The following ZNF83 variants were observed in gnomAD, a reference collection of about 807,000 sequenced individuals.
ZNF83 encodes zinc finger protein 83.
For synonymous variants in ZNF83, 209 were observed against 213.0 expected (o/e 0.98, Z 0.17); for missense variants, 552 against 629.9 (o/e 0.88, Z 1.32).
intron 3 of ZNF83, among the ~76,000 whole-genome samples, chr19:52,649,144 T>C (rs897695367): frequency 1.3e-5 from 2 of 149,306 alleles, no homozygotes; most frequent in Non-Finnish European, 2.9e-5. Flanking sequence ...GAGTGGTTTT[T>C]TTGTCTTCCT....
At chr19:52,669,795 A>G (rs1443752974) in intron 1 of ZNF83, among the ~76,000 whole-genome samples, 1 of 152,192 alleles carries the variant, frequency 6.6e-6, no homozygotes, top group East Asian at 1.9e-4. Flanking sequence ...CACACCATGC[A>G]TCCGTGGGTT....
chr19:52,686,747 A>T (rs1013621524), intron 1 of ZNF83, among the ~76,000 whole-genome samples: 2 of 151,846 alleles, frequency 1.3e-5, no homozygotes, highest in African/African-American at 4.8e-5. Context: ...TAAGTTTTGT[A>T]TTTTTCATAG....
At chr19:52,686,528 C>T (rs953729802) in intron 1 of ZNF83, among the ~76,000 whole-genome samples, 8 of 150,212 alleles carry the variant, frequency 5.3e-5, no homozygotes, top group Non-Finnish European at 8.9e-5. Context: ...ATCTATTACA[C>T]AACAAGAACA....
intron 1 of ZNF83, among the ~76,000 whole-genome samples, chr19:52,677,819 G>GGA: frequency 6.6e-6 from 1 of 151,944 alleles, no homozygotes; most frequent in Non-Finnish European, 1.5e-5. Flanking sequence ...GGATCATGAG[G>GGA]TCAGGAGTTC....
chr19:52,620,083 A>AAATACATTTTTTATAT (rs2060478380), intron 2 of ZNF83, among the ~76,000 whole-genome samples: 1 of 152,192 alleles, frequency 6.6e-6, no homozygotes, highest in Non-Finnish European at 1.5e-5. Context: ...CAAAGTACAA[A>AAATACATTTTTTATAT]AATACATTTT....
chr19:52,613,929 C>T, exon 3 of ZNF83: 1 of 1,613,458 alleles, frequency 6.2e-7, no homozygotes, highest in South Asian at 1.1e-5. Context: ...GATGGAAGAC[C>T]TTTCCACATT....
upstream of ZNF83, among the ~76,000 whole-genome samples, chr19:52,641,655 T>C (rs2061307314): frequency 6.6e-6 from 1 of 152,138 alleles, no homozygotes; most frequent in Non-Finnish European, 1.5e-5. Context: ...ATCTCGATCA[T>C]TTTGGAACTG....
At chr19:52,631,980 C>T (rs891074069) in intron 2 of ZNF83, among the ~76,000 whole-genome samples, 4 of 148,934 alleles carry the variant, frequency 2.7e-5, no homozygotes, top group Non-Finnish European at 3.0e-5. Flanking sequence ...TTTGCCCCCA[C>T]CCAGGACTGG....
chr19:52,627,142 C>T (rs1031760218), intron 2 of ZNF83, among the ~76,000 whole-genome samples: 4 of 152,116 alleles, frequency 2.6e-5, no homozygotes, highest in Non-Finnish European at 2.9e-5. Context: ...AATAGATAAC[C>T]ACCTTTAACT....
chr19:52,627,743 G>T (rs2060797888), intron 2 of ZNF83, among the ~76,000 whole-genome samples: 1 of 152,184 alleles, frequency 6.6e-6, no homozygotes. Context: ...GAGTTTACCT[G>T]TGTAACAAAC....
At chr19:52,682,929 G>A (rs1013300891) in intron 1 of ZNF83, among the ~76,000 whole-genome samples, 2 of 152,028 alleles carry the variant, frequency 1.3e-5, no homozygotes, top group African/African-American at 2.4e-5. Flanking sequence ...GGAGTACAGT[G>A]GCACCATCTC....
intron 2 of ZNF83, among the ~76,000 whole-genome samples, chr19:52,630,544 T>C (rs111729556): frequency 8.5e-4 from 130 of 152,264 alleles, no homozygotes; most frequent in African/African-American, 3.1e-3. Context: ...CTGAGATATT[T>C]TAACCAAATT....
At chr19:52,684,791 T>C (rs565237406) in intron 1 of ZNF83, among the ~76,000 whole-genome samples, 1 of 151,676 alleles carries the variant, frequency 6.6e-6, no homozygotes, top group African/African-American at 2.4e-5. Context: ...GTTTTGGTGT[T>C]TGGGAAAAAA....
chr19:52,677,938 G>A (rs532472467), intron 1 of ZNF83, among the ~76,000 whole-genome samples: 27 of 151,960 alleles, frequency 1.8e-4, no homozygotes, highest in Admixed American at 4.6e-4. Flanking sequence ...GGGAGGCTGA[G>A]GCAGGAGAAT....
At chr19:52,635,206 T>G in intron 1 of ZNF83, 53 bp from the exon 2 acceptor site, 1 of 552,724 alleles carries the variant, frequency 1.8e-6, no homozygotes, top group Non-Finnish European at 3.2e-6. Context: ...ACCCCATTCC[T>G]GTAACATAAC....
intron 3 of ZNF83, among the ~76,000 whole-genome samples, chr19:52,644,462 T>C (rs1301996400): frequency 6.6e-6 from 1 of 152,130 alleles, no homozygotes; most frequent in African/African-American, 2.4e-5. Flanking sequence ...CATGTGGGCC[T>C]GGAAGGGCTA....
At chr19:52,613,074 A>G (rs1164374984) in exon 3 of ZNF83, 1 of 1,612,894 alleles carries the variant, frequency 6.2e-7, no homozygotes, top group African/African-American at 1.3e-5. Flanking sequence ...CAAGATATGA[A>G]TTGTCGCGGA....
intron 3 of ZNF83, among the ~76,000 whole-genome samples, chr19:52,647,442 T>C (rs1015331139): frequency 1.4e-4 from 21 of 152,054 alleles, no homozygotes; most frequent in African/African-American, 4.3e-4. Context: ...CATCATGCCC[T>C]GTTAATTTTT....
intron 3 of ZNF83, among the ~76,000 whole-genome samples, chr19:52,648,407 G>T (rs2061401219): frequency 6.6e-6 from 1 of 151,890 alleles, no homozygotes; most frequent in Non-Finnish European, 1.5e-5. Context: ...TAAGGCTAAA[G>T]TAATGGGCTC....
Sources: gnomAD v4.1 joint callset for allele counts (sites outside exome capture counted in the v4.1 genomes callset) on GRCh38, gnomAD v4.1.1 for gene constraint, MANE v1.5 for transcripts, NCBI Gene and HGNC (gene_info 2026-07-23, HGNC 2026-07-21) for gene names.